Variants in DUX4 observed in about 807,000 individuals in gnomAD.
The protein encoded by DUX4 is double homeobox protein 4.
chr4:190,179,779 A>C (rs1579835960), downstream of DUX4, among the ~76,000 whole-genome samples: 1 of 9,292 alleles, frequency 1.1e-4, no homozygotes. Context: ...AGATATGTCA[A>C]AATGCCCCTG....
intron 1 of DUX4, among the ~76,000 whole-genome samples, chr4:190,181,360 CT>C (rs1178739079): frequency 8.9e-3 from 3 of 338 alleles, no homozygotes; most frequent in African/African-American, 0.038. Context: ...CCACAATGCC[CT>C]CTGTAGGCAG....
downstream of DUX4, among the ~76,000 whole-genome samples, chr4:190,178,864 T>A (rs1233535967): frequency 2.9e-3 from 403 of 137,738 alleles, no homozygotes; most frequent in East Asian, 9.9e-3. Flanking sequence ...AACAGTTACA[T>A]CACCTGGGTG....
At chr4:190,178,931 TCTCCTGGGTGATCAGTGCAGAAATAC>T (rs1742464623), downstream of DUX4, among the ~76,000 whole-genome samples, 3 of 67,880 alleles carry the variant, frequency 4.4e-5, no homozygotes, top group South Asian at 6.1e-4. Flanking sequence ...CAAGAGTCCG[TCTCCTGGGTGATCAGTGCAGAAATAC>T]GTCACAATGC....
chr4:190,179,568 A>C (rs1579835677), downstream of DUX4, among the ~76,000 whole-genome samples: 7 of 152,252 alleles, frequency 4.6e-5, no homozygotes, highest in Non-Finnish European at 8.8e-5. Context: ...CAGTGCAGTG[A>C]TATGTCACAA....
downstream of DUX4, among the ~76,000 whole-genome samples, chr4:190,177,833 T>A (rs1742388933): frequency 3.5e-3 from 486 of 139,804 alleles, no homozygotes; most frequent in East Asian, 8.5e-3. Context: ...AGACAAGGGT[T>A]ACATCACCTG....
downstream of DUX4, among the ~76,000 whole-genome samples, chr4:190,177,167 T>TCTGTGCAGAGCTATGTCAAAACGCCC (rs1742346944): frequency 6.7e-6 from 1 of 149,612 alleles, no homozygotes. Context: ...ACCTAGATGA[T>TCTGTGCAGAGCTATGTCAAAACGCCC]CTGTGCAGAG....
downstream of DUX4, among the ~76,000 whole-genome samples, chr4:190,180,022 A>T (rs1742526149): frequency 6.9e-6 from 1 of 145,558 alleles, no homozygotes; most frequent in Non-Finnish European, 1.5e-5. Flanking sequence ...GAGTTACATC[A>T]CCTGTGTGAT....
downstream of DUX4, among the ~76,000 whole-genome samples, chr4:190,178,366 A>AGAGCATAGAG (rs1742421030): frequency 6.6e-6 from 1 of 151,218 alleles, no homozygotes; most frequent in African/African-American, 2.4e-5. Context: ...CCCTGTAGGC[A>AGAGCATAGAG]AAGCCTAGGC....
chr4:190,181,344 GATATGCCACAATGCCCTCT>G (rs2126583326), intron 1 of DUX4, among the ~76,000 whole-genome samples: 2 of 632 alleles, frequency 3.2e-3, no homozygotes, highest in East Asian at 0.12. Flanking sequence ...TCTCTGCAAA[GATATGCCACAATGCCCTCT>G]GTAGGCAGAG....
Position 190,175,214 on chromosome 4 carries a change from C to A in DUX4, c.*166C>A. 2 of 148,522 alleles carry A rather than the reference C, an allele frequency of 1.3e-5. No individual in the cohort carries two copies. The highest frequency in any genetic ancestry group is 9.5e-5 in the Admixed American group (1 of 10,564). 9.2% of individuals were successfully genotyped at this position (148,522 alleles called of 1,614,324 possible). Reference sequence around the variant, plus strand: ...CTAGGTCTAGGCCCGGTGAGAGACTCCACTCCGCGGAGAACTGCCTTTCTT... The same window carrying A: ...CTAGGTCTAGGCCCGGTGAGAGACTACACTCCGCGGAGAACTGCCTTTCTT... On this transcript the variant is annotated 3_prime_UTR_variant, in exon 1 of 2. Transcript: ENST00000565211.
At chr4:190,176,047 A>G (rs1261244080), downstream of DUX4, among the ~76,000 whole-genome samples, 420 of 112,034 alleles carry the variant, frequency 3.7e-3, 67 homozygotes, top group African/African-American at 0.01. Flanking sequence ...GACAGAGCCT[A>G]GACAATTGTT....
downstream of DUX4, among the ~76,000 whole-genome samples, chr4:190,177,100 A>G (rs1742341594): frequency 1.3e-5 from 2 of 152,292 alleles, no homozygotes; most frequent in South Asian, 2.1e-4. Context: ...CTGGGTGATC[A>G]GTGCAGAGAT....
intron 1 of DUX4, chr4:190,182,144 C>T (rs1742603607): frequency 9.6e-6 from 1 of 104,366 alleles, no homozygotes; most frequent in Non-Finnish European, 2.3e-5. Context: ...GTTACATCAC[C>T]TGGATTTTGT....
downstream of DUX4, among the ~76,000 whole-genome samples, chr4:190,178,417 A>ACAAT (rs1742423594): frequency 1.4e-5 from 1 of 73,996 alleles, no homozygotes. Flanking sequence ...GGGATATGTG[A>ACAAT]AAACGCCCCT....
At chr4:190,179,510 AGC>A (rs1742499900), downstream of DUX4, among the ~76,000 whole-genome samples, 3 of 125,214 alleles carry the variant, frequency 2.4e-5, no homozygotes, top group Non-Finnish European at 1.9e-5. Flanking sequence ...ATATGTCACA[AGC>A]CCCCTGTAGG....
intron 1 of DUX4, among the ~76,000 whole-genome samples, chr4:190,181,232 C>CAGAAATATGTGACA (rs1742554203): frequency 6.7e-6 from 1 of 149,746 alleles, no homozygotes; most frequent in Non-Finnish European, 1.5e-5. Flanking sequence ...CCCCCATAGG[C>CAGAAATATGTGACA]AAATCCAAGA....
At chr4:190,177,404 G>GACAA (rs1742365141), downstream of DUX4, among the ~76,000 whole-genome samples, 35 of 99,666 alleles carry the variant, frequency 3.5e-4, no homozygotes, top group Admixed American at 7.7e-4. Context: ...AGCCCCTGTA[G>GACAA]GTCGAGTCTA....
At chr4:190,177,323 C>G (rs1742360231), downstream of DUX4, among the ~76,000 whole-genome samples, 30 of 38,092 alleles carry the variant, frequency 7.9e-4, 1 homozygote, top group Admixed American at 1.8e-3. Flanking sequence ...AAGTATGTCA[C>G]AAAGCCCCTG....
chr4:190,176,444 T>C (rs1742307894), downstream of DUX4, among the ~76,000 whole-genome samples: 2 of 110,822 alleles, frequency 1.8e-5, 1 homozygote, highest in South Asian at 6.6e-4. Flanking sequence ...AATTCCCTTG[T>C]AGGCAGGGCC....
Sources: allele counts gnomAD v4.1 joint callset (sites outside exome capture counted in the v4.1 genomes callset), GRCh38; gene constraint gnomAD v4.1.1; transcripts MANE v1.5; gene names NCBI Gene and HGNC (gene_info 2026-07-23, HGNC 2026-07-21).